Variants in COL9A1 observed in about 807,000 individuals in gnomAD.
COL9A1 encodes the protein collagen alpha-1(IX) chain.
Under a neutral mutation model 142.6 loss-of-function variants are expected in COL9A1, and 104 were observed. The observed-to-expected ratio is 0.73, with a 90% confidence interval of 0.62 to 0.86. The LOEUF is 0.86. COL9A1 is among the 40% of genes least tolerant of loss of function. COL9A1 has a pLI of 0.00. For synonymous variants in COL9A1, 466 were observed against 396.0 expected, an observed-to-expected ratio of 1.18 and a Z score of -2.10; for missense variants, 1,210 against 1,176.6, an observed-to-expected ratio of 1.03 and a Z score of -0.42.
At chr6:70,248,959 G>A (rs192684717) in intron 28 of COL9A1, among the ~76,000 whole-genome samples, 166 of 152,150 alleles carry the variant, frequency 1.1e-3, no homozygotes, top group Non-Finnish European at 2.1e-3. Context: ...CATCTGAGAT[G>A]GCTTATGGAA....
intron 11 of COL9A1, 115 bp from the exon 12 acceptor site, chr6:70,274,197 T>TA (rs1222175958): frequency 5.4e-6 from 4 of 737,834 alleles, no homozygotes; most frequent in Non-Finnish European, 8.5e-6. Flanking sequence ...TTTTTTTTTT[T>TA]AAATTTCCAA....
Position 70,280,817 on chromosome 6 carries a change from C to G in COL9A1, c.970G>C (p.Ala324Pro). The G allele has an allele frequency of 6.2e-7, 1 of 1,612,418 alleles. No individual in the cohort carries two copies. Among genetic ancestry groups the G allele is most frequent in the Non-Finnish European group, 8.5e-7 (1 of 1,179,516 alleles). ...GAPGKPGTPGADGLTGPDGSP... is the reference protein window; with the variant it reads ...GAPGKPGTPGPDGLTGPDGSP... ...CCCAGCACTCGCCTACTCACATCAGCGCCAGGTGTGCCAGGCTTGCCTGGA... is the reference window on the plus strand; with the variant it reads ...CCCAGCACTCGCCTACTCACATCAGGGCCAGGTGTGCCAGGCTTGCCTGGA... Residue 324 changes from alanine (A) to proline (P), a missense_variant, in exon 10 of 38, where the codon GCT becomes CCT. Transcript: ENST00000357250.
At position 70,271,888 on chromosome 6, in the gene COL9A1, TAATA is replaced by T. The variant is rs746896336; in HGVS notation, c.1089+173_1089+176del. ...AAGATACAGCAGAAATTTCCTAAATTAATAAATATTTTGTTTAGCAGAATAAGGG... is the reference window on the plus strand; with the variant it reads ...AAGATACAGCAGAAATTTCCTAAATTAATATTTTGTTTAGCAGAATAAGGG... On this transcript the variant is annotated intron_variant, in intron 13 of 37. Coordinates refer to ENST00000357250, the MANE Select transcript of COL9A1 (RefSeq NM_001851.6). Among the ~76,000 whole-genome samples, 198 of 152,182 alleles carry T rather than the reference TAATA, an allele frequency of 1.3e-3. No individual in the cohort carries two copies. Among genetic ancestry groups the T allele is most frequent in the Non-Finnish European group, 1.3e-3 (88 of 68,018 alleles).
chr6:70,215,171 T>C (rs1190730837), downstream of COL9A1: 1 of 152,116 alleles, frequency 6.6e-6, no homozygotes, highest in African/African-American at 2.4e-5. Flanking sequence ...TCAAAAGTCA[T>C]ATTTGAAAAA....
intron 33 of COL9A1, among the ~76,000 whole-genome samples, chr6:70,237,679 T>C (rs1451544178): frequency 1.3e-5 from 2 of 152,262 alleles, no homozygotes; most frequent in African/African-American, 4.8e-5. Context: ...GGATTTCTAT[T>C]ACCAAACTCA....
At chr6:70,270,888 A>G (rs1772354673) in intron 14 of COL9A1, among the ~76,000 whole-genome samples, 1 of 152,232 alleles carries the variant, frequency 6.6e-6, no homozygotes, top group South Asian at 2.1e-4. Flanking sequence ...AATCAAAGAA[A>G]GCTACATCGA....
At chr6:70,236,236 C>T (rs1051619495) in intron 33 of COL9A1, among the ~76,000 whole-genome samples, 1 of 150,572 alleles carries the variant, frequency 6.6e-6, no homozygotes, top group South Asian at 2.1e-4. Flanking sequence ...GTTTCCTTAG[C>T]ATAAAAGCAA....
At chr6:70,251,254 A>G (rs1041159073) in intron 28 of COL9A1, among the ~76,000 whole-genome samples, 7 of 152,334 alleles carry the variant, frequency 4.6e-5, no homozygotes, top group Non-Finnish European at 8.8e-5. Context: ...AGGAAAAAAA[A>G]TAAAATACAG....
chr6:70,277,470 A>G (rs577857928), intron 10 of COL9A1, among the ~76,000 whole-genome samples: 9 of 152,338 alleles, frequency 5.9e-5, no homozygotes, highest in Admixed American at 1.3e-4. Flanking sequence ...TCTTATTTCA[A>G]AGAAATAAAA....
intron 4 of COL9A1, among the ~76,000 whole-genome samples, chr6:70,295,452 A>G (rs1162620283): frequency 6.6e-6 from 1 of 151,454 alleles, no homozygotes; most frequent in East Asian, 1.9e-4. Context: ...ATGCCTGGCT[A>G]ATTTTTTGTA....
intron 24 of COL9A1, 117 bp from the exon 25 acceptor site, chr6:70,254,646 A>G (rs1771157403): frequency 2.6e-6 from 2 of 766,782 alleles, no homozygotes; most frequent in Admixed American, 2.1e-5. Flanking sequence ...CTGACTTTAC[A>G]TGCACTTTTA....
At chr6:70,234,289 A>AAAAAG (rs1769748260) in intron 35 of COL9A1, among the ~76,000 whole-genome samples, 2 of 135,896 alleles carry the variant, frequency 1.5e-5, no homozygotes, top group Non-Finnish European at 3.5e-5. Flanking sequence ...CCCATGGCAA[A>AAAAAG]AAAACAAAAC....
chr6:70,250,255 T>A (rs1027127656), intron 28 of COL9A1, among the ~76,000 whole-genome samples: 4 of 152,110 alleles, frequency 2.6e-5, no homozygotes, highest in Admixed American at 6.6e-5. Flanking sequence ...AGTGAGACTC[T>A]GTTTAAAATA....
intron 7 of COL9A1, among the ~76,000 whole-genome samples, chr6:70,281,905 T>C (rs1773189200): frequency 6.6e-6 from 1 of 152,170 alleles, no homozygotes; most frequent in Non-Finnish European, 1.5e-5. Flanking sequence ...CACCAGGATC[T>C]TTGTCCAGTA....
intron 37 of COL9A1, among the ~76,000 whole-genome samples, chr6:70,218,975 C>T (rs768138513): frequency 6.6e-6 from 1 of 152,098 alleles, no homozygotes; most frequent in Non-Finnish European, 1.5e-5. Flanking sequence ...TTCAACTATA[C>T]CTAGTAAGTA....
At chr6:70,266,668 C>G (rs1047919680) in intron 18 of COL9A1, 49 bp downstream of exon 18, 1 of 1,371,052 alleles carries the variant, frequency 7.3e-7, no homozygotes, top group Non-Finnish European at 1.0e-6. Context: ...ATGAAAGTGA[C>G]CAATAACTCC....
At chr6:70,226,283 C>G (rs1446208909) in intron 36 of COL9A1, among the ~76,000 whole-genome samples, 1 of 152,044 alleles carries the variant, frequency 6.6e-6, no homozygotes, top group Non-Finnish European at 1.5e-5. Context: ...AAATAAGAAC[C>G]AATGGCCACT....
At chr6:70,229,144 T>C (rs1269748896) in intron 36 of COL9A1, among the ~76,000 whole-genome samples, 1 of 152,162 alleles carries the variant, frequency 6.6e-6, no homozygotes, top group East Asian at 1.9e-4. Context: ...CTTTTGGTTA[T>C]CAGTCAGAGA....
At position 70,216,668 on chromosome 6, in the gene COL9A1, A is replaced by T. The variant is rs2459555; in HGVS notation, c.*229T>A. On this transcript the variant is annotated 3_prime_UTR_variant, in exon 38 of 38. Coordinates refer to ENST00000357250, the MANE Select transcript of COL9A1 (RefSeq NM_001851.6). ...TGTTTGGTTTTCTTTTTTTTTTTTTAACTGATGACTCTGCTGTCTTCCCTC... is the reference window on the plus strand; with the variant it reads ...TGTTTGGTTTTCTTTTTTTTTTTTTTACTGATGACTCTGCTGTCTTCCCTC... The T allele has an allele frequency of 1.7e-4, 87 of 506,730 alleles. No homozygotes were observed. The highest frequency in any genetic ancestry group is 5.0e-4 in the South Asian group (21 of 41,960). The allele number at this position is 506,730 out of a possible 1,614,324, so 31.4% of individuals were successfully genotyped here.
Sources: gnomAD v4.1 joint callset for allele counts (sites outside exome capture counted in the v4.1 genomes callset) on GRCh38, gnomAD v4.1.1 for gene constraint, MANE v1.5 for transcripts, NCBI Gene and HGNC (gene_info 2026-07-23, HGNC 2026-07-21) for gene names.